The following AUTS2 variants were observed in gnomAD, a reference collection of about 807,000 sequenced individuals.
AUTS2 encodes the protein activator of transcription and developmental regulator AUTS2, also known as autism susceptibility gene 2 protein.
Under a neutral mutation model 112.4 loss-of-function variants are expected in AUTS2, and 17 were observed. The ratio of observed to expected loss-of-function variants is 0.15; its 90% CI spans 0.10 to 0.23. AUTS2 has a LOEUF of 0.23. AUTS2 is among the 10% of genes least tolerant of loss of function. AUTS2 has a pLI of 1.00. For synonymous variants in AUTS2, 751 were observed against 702.7 expected (o/e 1.07, Z -1.09); for missense variants, 1,510 against 1,701.6 (o/e 0.89, Z 1.98).
intron 4 of AUTS2, among the ~76,000 whole-genome samples, chr7:70,138,146 T>A (rs2129575159): frequency 6.6e-6 from 1 of 152,352 alleles, no homozygotes; most frequent in East Asian, 1.9e-4. Flanking sequence ...TTAGCAGCTT[T>A]TAGGATTGGG....
chr7:69,615,864 G>A (rs1793344563), intron 1 of AUTS2, among the ~76,000 whole-genome samples: 1 of 152,186 alleles, frequency 6.6e-6, no homozygotes, highest in South Asian at 2.1e-4. Flanking sequence ...GACAGCAATA[G>A]CATCATTAGA....
chr7:70,117,571 C>T (rs1459412937), intron 2 of AUTS2, among the ~76,000 whole-genome samples: 8 of 152,060 alleles, frequency 5.3e-5, no homozygotes, highest in African/African-American at 1.9e-4. Context: ...AATTTATGGA[C>T]CTTGAGGTTT....
At chr7:70,545,767 CAG>C (rs1800749337) in intron 5 of AUTS2, among the ~76,000 whole-genome samples, 3 of 152,138 alleles carry the variant, frequency 2.0e-5, no homozygotes, top group South Asian at 4.2e-4. Flanking sequence ...CTCAGGGTCT[CAG>C]AGCCGTTTAT....
chr7:70,729,540 C>G (rs546807289), intron 6 of AUTS2, among the ~76,000 whole-genome samples: 3 of 152,178 alleles, frequency 2.0e-5, no homozygotes, highest in African/African-American at 7.2e-5. Flanking sequence ...GTGGTGAGAT[C>G]CTTCAGGGTA....
At chr7:70,387,453 G>T (rs1442132618) in intron 4 of AUTS2, among the ~76,000 whole-genome samples, 1 of 152,134 alleles carries the variant, frequency 6.6e-6, no homozygotes, top group East Asian at 1.9e-4. Context: ...AAATATGGGT[G>T]CCCACTCTTT....
intron 2 of AUTS2, among the ~76,000 whole-genome samples, chr7:70,114,350 T>C (rs1043975512): frequency 6.6e-6 from 1 of 152,256 alleles, no homozygotes; most frequent in African/African-American, 2.4e-5. Context: ...CAATTTTTCT[T>C]AGCTCTTTAA....
intron 5 of AUTS2, among the ~76,000 whole-genome samples, chr7:70,572,334 C>G (rs1215871663): frequency 6.6e-6 from 1 of 151,878 alleles, no homozygotes; most frequent in Non-Finnish European, 1.5e-5. Context: ...GGCAAATAGC[C>G]AGGTCCTGAA....
At chr7:70,608,181 G>A (rs764799387) in intron 5 of AUTS2, among the ~76,000 whole-genome samples, 1 of 152,120 alleles carries the variant, frequency 6.6e-6, no homozygotes, top group Non-Finnish European at 1.5e-5. Flanking sequence ...ATAGTTCACG[G>A]CAGCCTCAAC....
intron 2 of AUTS2, among the ~76,000 whole-genome samples, chr7:70,100,352 A>G (rs538888342): frequency 6.6e-6 from 1 of 152,090 alleles, no homozygotes; most frequent in Admixed American, 6.5e-5. Flanking sequence ...GAACTTAAAT[A>G]TGTCCCCTTT....
chr7:70,785,369 G>A (rs1295661319), intron 16 of AUTS2: 2 of 534,724 alleles, frequency 3.7e-6, no homozygotes, highest in Admixed American at 2.2e-5. Context: ...TTGCCCCATA[G>A]CAAAGGTCAC....
At chr7:70,369,347 T>G (rs1792732468) in intron 4 of AUTS2, among the ~76,000 whole-genome samples, 1 of 152,148 alleles carries the variant, frequency 6.6e-6, no homozygotes. Context: ...GTTTGGTCAG[T>G]GGGGCAAAAA....
intron 2 of AUTS2, among the ~76,000 whole-genome samples, chr7:70,032,594 CT>C (rs1350856711): frequency 6.6e-6 from 1 of 152,098 alleles, no homozygotes; most frequent in East Asian, 1.9e-4. Flanking sequence ...TTCATGAAGG[CT>C]TCCTGTGGAC....
chr7:69,674,486 C>T (rs1199327788), intron 1 of AUTS2, among the ~76,000 whole-genome samples: 1 of 152,026 alleles, frequency 6.6e-6, no homozygotes, highest in Non-Finnish European at 1.5e-5. Context: ...AATGTATCAA[C>T]ACTTCTAAAT....
intron 2 of AUTS2, among the ~76,000 whole-genome samples, chr7:69,973,626 GA>G: frequency 6.6e-6 from 1 of 152,014 alleles, no homozygotes; most frequent in South Asian, 2.1e-4. Flanking sequence ...AGTTTTCTGA[GA>G]TTTTTTTTAT....
At chr7:69,692,373 A>G (rs1221016405) in intron 1 of AUTS2, among the ~76,000 whole-genome samples, 1 of 152,178 alleles carries the variant, frequency 6.6e-6, no homozygotes, top group Non-Finnish European at 1.5e-5. Flanking sequence ...AGGGCTGTGA[A>G]ATACAGACAT....
intron 6 of AUTS2, among the ~76,000 whole-genome samples, chr7:70,742,787 C>T (rs1405467678): frequency 6.6e-6 from 1 of 152,018 alleles, no homozygotes; most frequent in Non-Finnish European, 1.5e-5. Flanking sequence ...CACCTCATAT[C>T]ATTTACATGT....
At chr7:70,162,106 T>TA (rs1387289129) in intron 4 of AUTS2, among the ~76,000 whole-genome samples, 1 of 151,844 alleles carries the variant, frequency 6.6e-6, no homozygotes, top group African/African-American at 2.4e-5. Flanking sequence ...AATTTTTAAT[T>TA]AAAAAAAATC....
chr7:70,708,588 A>T (rs1041743500), intron 6 of AUTS2, among the ~76,000 whole-genome samples: 4 of 137,150 alleles, frequency 2.9e-5, no homozygotes, highest in African/African-American at 8.1e-5. Context: ...CTCACTAATT[A>T]AAAAAAAAAA....
intron 1 of AUTS2, among the ~76,000 whole-genome samples, chr7:69,647,938 C>T (rs1377571664): frequency 2.0e-5 from 3 of 152,126 alleles, no homozygotes; most frequent in Non-Finnish European, 2.9e-5. Context: ...TTAGTGTTCT[C>T]CTTGTGTCTT....
Sources: gnomAD v4.1 joint callset for allele counts (sites outside exome capture counted in the v4.1 genomes callset) on GRCh38, gnomAD v4.1.1 for gene constraint, MANE v1.5 for transcripts, NCBI Gene and HGNC (gene_info 2026-07-23, HGNC 2026-07-21) for gene names.